OXR1: variants seen among roughly 807,000 people sequenced by gnomAD.
The protein encoded by OXR1 is oxidation resistance protein 1.
Under a neutral mutation model 104.6 loss-of-function variants are expected in OXR1, and 41 were observed. The ratio of observed to expected loss-of-function variants is 0.39; its 90% CI spans 0.31 to 0.51. The LOEUF is 0.51. Among genes scored for constraint, OXR1 ranks in the 20% least tolerant of loss-of-function variants. OXR1 has a pLI of 0.77. For synonymous variants in OXR1, 348 were observed against 348.4 expected (o/e 1.00, Z 0.01); for missense variants, 955 against 1,031.9 (o/e 0.93, Z 1.02).
At chr8:106,374,731 CA>C (rs2130386251) in intron 2 of OXR1, among the ~76,000 whole-genome samples, 1 of 152,280 alleles carries the variant, frequency 6.6e-6, no homozygotes, top group South Asian at 2.1e-4. Context: ...GCAACAGAGA[CA>C]GAATAATCTC....
At chr8:106,374,812 G>C (rs1227833088) in intron 2 of OXR1, among the ~76,000 whole-genome samples, 2 of 152,178 alleles carry the variant, frequency 1.3e-5, no homozygotes, top group Non-Finnish European at 2.9e-5. Flanking sequence ...GCTCATAGCA[G>C]AAGGCTGAGG....
intron 6 of OXR1, among the ~76,000 whole-genome samples, chr8:106,690,244 A>G (rs1829144492): frequency 6.6e-6 from 1 of 150,858 alleles, no homozygotes; most frequent in Non-Finnish European, 1.5e-5. Context: ...ATAAAACTAT[A>G]AATATCAATA....
chr8:106,708,486 A>G (rs1175357472), intron 9 of OXR1, among the ~76,000 whole-genome samples: 1 of 152,136 alleles, frequency 6.6e-6, no homozygotes, highest in East Asian at 1.9e-4. Flanking sequence ...TTTGTTTCTG[A>G]ATTTAACTAC....
chr8:106,329,737 G>A (rs1387413612), intron 1 of OXR1, among the ~76,000 whole-genome samples: 1 of 152,150 alleles, frequency 6.6e-6, no homozygotes, highest in African/African-American at 2.4e-5. Flanking sequence ...GGGAACAGCA[G>A]TCACATGACA....
chr8:106,504,187 G>T (rs1812002968), intron 2 of OXR1, among the ~76,000 whole-genome samples: 1 of 152,142 alleles, frequency 6.6e-6, no homozygotes. Context: ...TACACATGAA[G>T]GAATTATGAG....
intron 2 of OXR1, among the ~76,000 whole-genome samples, chr8:106,429,496 C>G (rs1451524742): frequency 6.6e-6 from 1 of 151,954 alleles, no homozygotes; most frequent in Non-Finnish European, 1.5e-5. Context: ...CCTGTCTCTA[C>G]TAAAATTACA....
intron 3 of OXR1, among the ~76,000 whole-genome samples, chr8:106,601,734 A>G (rs1819986394): frequency 6.6e-6 from 1 of 152,260 alleles, no homozygotes; most frequent in Non-Finnish European, 1.5e-5. Context: ...GGGAATGTGA[A>G]CATGAATAAG....
intron 6 of OXR1, among the ~76,000 whole-genome samples, chr8:106,692,236 G>T (rs1348622962): frequency 1.3e-5 from 2 of 151,992 alleles, no homozygotes; most frequent in Non-Finnish European, 2.9e-5. Flanking sequence ...TGTAGCTCGA[G>T]ATTTAAAAGG....
intron 2 of OXR1, among the ~76,000 whole-genome samples, chr8:106,381,012 AT>A (rs761244654): frequency 6.6e-6 from 1 of 152,152 alleles, no homozygotes; most frequent in Non-Finnish European, 1.5e-5. Flanking sequence ...TAGTACGACA[AT>A]TCAACACCAA....
In OXR1 at chr8:106,742,313, T is replaced by G. The variant is rs1834987517; in HGVS notation, c.2408T>G (p.Phe803Cys). 1 of 1,588,488 alleles carries G rather than the reference T, an allele frequency of 6.3e-7. No individual in the cohort carries two copies. Among genetic ancestry groups the G allele is most frequent in the African/African-American group, 1.3e-5 (1 of 74,434 alleles). ...ETFVFTFCPE[F>C]EVFKWTGDNM... ...TTTGTTTTTACATTCTGTCCGGAGTTTGAGGTAAGAACCACTATTTCAATA... is the reference window on the plus strand; with the variant it reads ...TTTGTTTTTACATTCTGTCCGGAGTGTGAGGTAAGAACCACTATTTCAATA... The change falls in exon 15 of 17, where the codon TTT (phenylalanine) becomes TGT (cysteine). Residue 803 changes from phenylalanine to cysteine, a missense_variant. This residue lies in a region of OXR1 where 106 missense variants were observed against 179.0 expected (regional missense o/e 0.59). Coordinates refer to ENST00000517566, the MANE Select transcript of OXR1 (RefSeq NM_001198533.2).
chr8:106,421,177 T>C (rs138002923), intron 2 of OXR1, among the ~76,000 whole-genome samples: 1 of 152,226 alleles, frequency 6.6e-6, no homozygotes, highest in East Asian at 1.9e-4. Flanking sequence ...AATACTTGGA[T>C]TTGTGTCCCC....
intron 1 of OXR1, among the ~76,000 whole-genome samples, chr8:106,312,229 G>A (rs544983707): frequency 6.6e-6 from 1 of 152,182 alleles, no homozygotes; most frequent in African/African-American, 2.4e-5. Context: ...AACAATCATA[G>A]TACCAAATTC....
intron 2 of OXR1, among the ~76,000 whole-genome samples, chr8:106,468,092 A>C (rs1446859142): frequency 1.3e-5 from 2 of 151,738 alleles, no homozygotes; most frequent in South Asian, 4.1e-4. Context: ...GATAAGTAGC[A>C]TTGTGTATTT....
chr8:106,470,107 G>A (rs187328981), intron 2 of OXR1, among the ~76,000 whole-genome samples: 3 of 151,788 alleles, frequency 2.0e-5, no homozygotes, highest in Non-Finnish European at 4.4e-5. Context: ...AGTCAGTGAG[G>A]TAATGGAGTT....
chr8:106,636,201 T>C (rs1300952582), intron 3 of OXR1, among the ~76,000 whole-genome samples: 1 of 152,242 alleles, frequency 6.6e-6, no homozygotes, highest in Non-Finnish European at 1.5e-5. Flanking sequence ...GGCCTTTTGA[T>C]GTTATGTGAT....
chr8:106,709,293 T>C (rs1831463741), intron 9 of OXR1, among the ~76,000 whole-genome samples: 1 of 152,260 alleles, frequency 6.6e-6, no homozygotes, highest in East Asian at 1.9e-4. Context: ...AACCTTTTCC[T>C]ATGTGATTAC....
At chr8:106,563,913 A>G (rs1460324912) in intron 3 of OXR1, among the ~76,000 whole-genome samples, 2 of 152,200 alleles carry the variant, frequency 1.3e-5, no homozygotes, top group African/African-American at 2.4e-5. Flanking sequence ...AAATTAAGGA[A>G]GAAATAAATA....
chr8:106,511,076 A>G (rs1254637758), intron 2 of OXR1, among the ~76,000 whole-genome samples: 1 of 152,168 alleles, frequency 6.6e-6, no homozygotes, highest in Non-Finnish European at 1.5e-5. Context: ...AATATTCTAT[A>G]CCCCCAAGGG....
chr8:106,721,647 A>T (rs1832832608), intron 11 of OXR1, among the ~76,000 whole-genome samples: 1 of 152,188 alleles, frequency 6.6e-6, no homozygotes, highest in Non-Finnish European at 1.5e-5. Flanking sequence ...CAATAATTGA[A>T]GTTTAGATTA....
Sources: allele counts gnomAD v4.1 joint callset (sites outside exome capture counted in the v4.1 genomes callset), GRCh38; gene constraint gnomAD v4.1.1; regional missense constraint gnomAD v4.1.1; transcripts MANE v1.5; gene names NCBI Gene and HGNC (gene_info 2026-07-23, HGNC 2026-07-21).